CTNNA3: variants seen among roughly 807,000 people sequenced by gnomAD.
CTNNA3 encodes catenin alpha-3.
A neutral mutation model predicts 95.7 loss-of-function variants in CTNNA3; 76 were observed. The observed-to-expected ratio is 0.79, with a 90% CI of 0.66 to 0.96. The LOEUF is 0.96. CTNNA3 is among the 40% of genes least tolerant of loss of function. CTNNA3 has a pLI of 0.00. For synonymous variants in CTNNA3, 431 were observed against 374.4 expected (o/e 1.15, Z -1.74); for missense variants, 1,191 against 1,089.8 (o/e 1.09, Z -1.31).
intron 11 of CTNNA3, among the ~76,000 whole-genome samples, chr10:66,379,703 A>G (rs1293519274): frequency 6.6e-6 from 1 of 152,214 alleles, no homozygotes. Context: ...ATGAAATTCT[A>G]CATCGTGAAT....
At chr10:66,482,441 C>G (rs943212244) in intron 11 of CTNNA3, among the ~76,000 whole-genome samples, 1 of 152,068 alleles carries the variant, frequency 6.6e-6, no homozygotes, top group Non-Finnish European at 1.5e-5. Flanking sequence ...ACAGTTTTTA[C>G]AGACATTGGA....
chr10:66,443,709 A>C (rs12267974), intron 11 of CTNNA3, among the ~76,000 whole-genome samples: 57,695 of 151,416 alleles, frequency 0.38, 11,583 homozygotes, highest in African/African-American at 0.5. Flanking sequence ...GTAGATAAAA[A>C]CACAAAGATG....
chr10:67,247,433 T>TA (rs930398145), intron 5 of CTNNA3, among the ~76,000 whole-genome samples: 15 of 151,972 alleles, frequency 9.9e-5, no homozygotes, highest in African/African-American at 2.9e-4. Context: ...AAAAACTTAG[T>TA]AAAAAAATTT....
chr10:67,182,310 C>A (rs1373923622), intron 6 of CTNNA3, among the ~76,000 whole-genome samples: 2 of 152,104 alleles, frequency 1.3e-5, no homozygotes, highest in East Asian at 1.9e-4. Context: ...GCTACAGTAA[C>A]CAAAACAGCA....
intron 14 of CTNNA3, among the ~76,000 whole-genome samples, chr10:66,080,357 C>T (rs2080707764): frequency 1.3e-5 from 2 of 152,018 alleles, no homozygotes; most frequent in Non-Finnish European, 2.9e-5. Context: ...TAACTATTCC[C>T]TTCTTACTCC....
At chr10:66,828,901 G>T (rs1414419468) in intron 7 of CTNNA3, among the ~76,000 whole-genome samples, 2 of 152,200 alleles carry the variant, frequency 1.3e-5, no homozygotes, top group Admixed American at 6.5e-5. Context: ...TGCATACTAT[G>T]ACTGCACAGC....
chr10:66,480,901 C>T (rs1197942637), intron 11 of CTNNA3, among the ~76,000 whole-genome samples: 1 of 152,202 alleles, frequency 6.6e-6, no homozygotes, highest in Admixed American at 6.5e-5. Flanking sequence ...CCATGCCTGG[C>T]CTAATTTAAA....
intron 5 of CTNNA3, among the ~76,000 whole-genome samples, chr10:67,350,910 G>GTACATA (rs1554825972): frequency 4.2e-5 from 6 of 141,818 alleles, no homozygotes; most frequent in African/African-American, 1.6e-4. Flanking sequence ...AAAAGTATGT[G>GTACATA]TATATATATA....
At chr10:67,160,545 C>T (rs1861494041) in intron 7 of CTNNA3, among the ~76,000 whole-genome samples, 1 of 151,050 alleles carries the variant, frequency 6.6e-6, no homozygotes, top group African/African-American at 2.4e-5. Context: ...TCAAACAATC[C>T]TCCCACCTCA....
intron 11 of CTNNA3, among the ~76,000 whole-genome samples, chr10:66,392,273 T>C (rs1215362020): frequency 6.6e-6 from 1 of 151,774 alleles, no homozygotes; most frequent in Non-Finnish European, 1.5e-5. Context: ...ACTTTAAAAA[T>C]ACAAAAATTA....
chr10:66,790,954 T>C (rs1840943611), intron 7 of CTNNA3, among the ~76,000 whole-genome samples: 1 of 152,120 alleles, frequency 6.6e-6, no homozygotes, highest in South Asian at 2.1e-4. Flanking sequence ...TCCATTCACT[T>C]TTACCTTTAC....
intron 7 of CTNNA3, among the ~76,000 whole-genome samples, chr10:66,858,973 AC>A (rs1448240215): frequency 3.3e-5 from 5 of 151,852 alleles, no homozygotes; most frequent in African/African-American, 1.2e-4. Flanking sequence ...TTTTATCTAG[AC>A]CCCATATATA....
At chr10:66,390,166 A>G (rs1437779587) in intron 11 of CTNNA3, among the ~76,000 whole-genome samples, 1 of 152,202 alleles carries the variant, frequency 6.6e-6, no homozygotes, top group Non-Finnish European at 1.5e-5. Context: ...GAATTTTATA[A>G]ATCTATAGTC....
intron 13 of CTNNA3, among the ~76,000 whole-genome samples, chr10:66,214,069 A>G (rs1323667502): frequency 5.9e-5 from 9 of 152,200 alleles, no homozygotes; most frequent in African/African-American, 4.8e-5. Flanking sequence ...AGCAGTCAAC[A>G]TGAGCAAAAA....
At position 66,113,197 on chromosome 10, in the gene CTNNA3, T is replaced by C. The variant is rs189047462; in HGVS notation, c.1885-9948A>G. 3.5e-3 allele frequency among the ~76,000 whole-genome samples: 530 copies of C among 152,234 alleles called. 2 individuals carry two copies. Among genetic ancestry groups the C allele is most frequent in the African/African-American group, 0.012 (484 of 41,560 alleles). On this transcript the variant is annotated intron_variant, in intron 13 of 17. Transcript: ENST00000433211. ...GTGAAGTGATATCTCATTGTATTTT[T>C]TTTTTCATGTCCATGATGATTAGTG...
intron 15 of CTNNA3, among the ~76,000 whole-genome samples, chr10:65,997,427 C>G (rs1013535395): frequency 6.6e-6 from 1 of 152,178 alleles, no homozygotes; most frequent in Non-Finnish European, 1.5e-5. Context: ...GGTTAGCCAA[C>G]AGAATACTAC....
At chr10:66,013,365 A>G (rs2079039326) in intron 15 of CTNNA3, among the ~76,000 whole-genome samples, 1 of 152,212 alleles carries the variant, frequency 6.6e-6, no homozygotes, top group Admixed American at 6.5e-5. Flanking sequence ...ATAAGTCTAT[A>G]TAAGTTACAT....
At chr10:67,181,728 T>A (rs889270232) in intron 6 of CTNNA3, among the ~76,000 whole-genome samples, 6 of 152,088 alleles carry the variant, frequency 3.9e-5, no homozygotes, top group African/African-American at 1.2e-4. Flanking sequence ...TACATTCTGA[T>A]AAATATTTGG....
chr10:66,812,595 G>A (rs1425166315), intron 7 of CTNNA3, among the ~76,000 whole-genome samples: 1 of 152,014 alleles, frequency 6.6e-6, no homozygotes, highest in Non-Finnish European at 1.5e-5. Context: ...AGTAATTGTA[G>A]TATCTACTTC....
Sources: allele counts gnomAD v4.1 joint callset (sites outside exome capture counted in the v4.1 genomes callset), GRCh38; gene constraint gnomAD v4.1.1; transcripts MANE v1.5; gene names NCBI Gene and HGNC (gene_info 2026-07-23, HGNC 2026-07-21).